MAN2B2: variants seen among roughly 807,000 people sequenced by gnomAD.
MAN2B2 encodes epididymis-specific alpha-mannosidase.
In MAN2B2, 106 loss-of-function variants were observed where a neutral mutation model predicts 117.1. That is an observed-to-expected ratio of 0.90 (90% CI 0.77 to 1.06). The LOEUF (loss-of-function observed/expected upper bound fraction) is 1.06, where lower values mean the gene tolerates loss of function less well. Ranked by LOEUF, MAN2B2 falls within the 50% of genes least tolerant of loss-of-function variation. The pLI is 0.00. For missense variants in MAN2B2, 1,326 were observed against 1,381.4 expected (o/e 0.96, Z 0.64); for synonymous variants, 544 against 595.1 (o/e 0.91, Z 1.25).
intron 4 of MAN2B2, among the ~76,000 whole-genome samples, chr4:6,588,543 C>T (rs1337116492): frequency 1.3e-5 from 2 of 152,016 alleles, no homozygotes; most frequent in Non-Finnish European, 2.9e-5. Flanking sequence ...GGCAAAACCC[C>T]GTCTCTACTA....
intron 6 of MAN2B2, 124 bp downstream of exon 6, chr4:6,593,474 C>A: frequency 1.1e-6 from 1 of 935,522 alleles, no homozygotes; most frequent in African/African-American, 1.7e-5. Flanking sequence ...AGCCCAGTGG[C>A]TCCATCCTCC....
rs188489673 is a variant in MAN2B2 at position 6,620,967 on chromosome 4, G to C, written c.2933-221G>C. The C allele has an allele frequency of 1.4e-4, 74 of 524,880 alleles. No individual in the cohort carries two copies. The East Asian group carries it at 2.2e-3, about 15-fold the overall frequency. The allele number at this position is 524,880 out of a possible 1,614,324, so 32.5% of individuals were successfully genotyped here. On this transcript the variant is annotated intron_variant, in intron 18 of 18. Transcript: ENST00000285599. ...GGCCCACAGGAGTCCTGGCAGAAGG[G>C]GATGCCATAGGCCGTTGCCACGGTG...
At chr4:6,589,561 A>G (rs1473034792) in intron 5 of MAN2B2, among the ~76,000 whole-genome samples, 1 of 152,120 alleles carries the variant, frequency 6.6e-6, no homozygotes, top group East Asian at 1.9e-4. Flanking sequence ...GTTTTTGACA[A>G]GAGCTCCTTA....
At chr4:6,578,169 T>A (rs1380180630) in intron 2 of MAN2B2, among the ~76,000 whole-genome samples, 1 of 152,222 alleles carries the variant, frequency 6.6e-6, no homozygotes, top group African/African-American at 2.4e-5. Flanking sequence ...AAGAAAATCT[T>A]ATATATACAA....
chr4:6,582,808 C>T (rs1423721587), intron 3 of MAN2B2, among the ~76,000 whole-genome samples: 2 of 147,772 alleles, frequency 1.4e-5, no homozygotes, highest in Non-Finnish European at 3.0e-5. Flanking sequence ...CACCCCCTCA[C>T]CCCCCACCAC....
intron 3 of MAN2B2, among the ~76,000 whole-genome samples, chr4:6,579,417 C>CACT (rs1209434311): frequency 2.2e-5 from 3 of 133,802 alleles, no homozygotes; most frequent in Admixed American, 2.2e-4. Flanking sequence ...CCATCACCAT[C>CACT]ACCACCACCA....
intron 17 of MAN2B2, 192 bp downstream of exon 17, chr4:6,617,684 T>A (rs1711952753): frequency 9.1e-7 from 1 of 1,095,340 alleles, no homozygotes; most frequent in Admixed American, 2.9e-5. Flanking sequence ...TTTTTAGGGT[T>A]TTTTGTGTAT....
chr4:6,597,016 C>A (rs1577283434), intron 7 of MAN2B2, 97 bp from the exon 8 acceptor site: 1 of 1,253,964 alleles, frequency 8.0e-7, no homozygotes. Context: ...GCAGAGGCTG[C>A]CTCTGCAGCC....
chr4:6,619,030 A>T (rs1486385538), intron 17 of MAN2B2: 1 of 152,266 alleles, frequency 6.6e-6, no homozygotes. Context: ...CGTTTCACAG[A>T]TGGAAGCACC....
intron 15 of MAN2B2, among the ~76,000 whole-genome samples, chr4:6,613,570 A>G (rs1377942288): frequency 2.1e-5 from 3 of 139,860 alleles, no homozygotes; most frequent in East Asian, 2.4e-4. Context: ...GCAAGTCCCT[A>G]TCTACAAGGA....
chr4:6,587,176 G>C lies in MAN2B2; in HGVS notation c.564+8G>C. On this transcript the variant is annotated splice_region_variant and intron_variant, in intron 4 of 18. Transcript: ENST00000285599. ...GCCATGCAGGAGGCCCGGGTGAGTG[G>C]TGTGCCGCGTCTGCTGCCGCCCAGC... The C allele has an allele frequency of 6.2e-7, 1 of 1,608,978 alleles. No individual in the cohort carries two copies.
chr4:6,620,320 C>T (rs1359397755), intron 18 of MAN2B2: 3 of 339,074 alleles, frequency 8.8e-6, no homozygotes, highest in East Asian at 6.4e-5. Flanking sequence ...CCCTGGGTGA[C>T]AGCTAGGGGC....
At chr4:6,585,476 T>C (rs557346998) in intron 3 of MAN2B2, among the ~76,000 whole-genome samples, 1 of 152,230 alleles carries the variant, frequency 6.6e-6, no homozygotes, top group South Asian at 2.1e-4. Flanking sequence ...GGTTTTCTTT[T>C]TCCCTGCAGC....
chr4:6,591,017 C>T (rs1726838664), intron 5 of MAN2B2, among the ~76,000 whole-genome samples: 1 of 152,120 alleles, frequency 6.6e-6, no homozygotes, highest in African/African-American at 2.4e-5. Context: ...GGCATGGCAG[C>T]ATTGCCTGTA....
intron 5 of MAN2B2, among the ~76,000 whole-genome samples, chr4:6,590,907 G>A (rs1726833135): frequency 1.3e-5 from 2 of 151,742 alleles, no homozygotes; most frequent in African/African-American, 4.8e-5. Context: ...CCAGCACTTT[G>A]GGAGGCCGAG....
intron 9 of MAN2B2, among the ~76,000 whole-genome samples, chr4:6,600,097 C>T (rs1250281895): frequency 6.6e-6 from 1 of 152,190 alleles, no homozygotes; most frequent in East Asian, 1.9e-4. Flanking sequence ...CAGGTGTGGC[C>T]AGACCTCACA....
At chr4:6,579,157 CA>C (rs1726247650) in intron 3 of MAN2B2, among the ~76,000 whole-genome samples, 1 of 79,328 alleles carries the variant, frequency 1.3e-5, no homozygotes, top group Non-Finnish European at 2.9e-5. Flanking sequence ...CCACCATCAC[CA>C]TCACCACCAC....
At chr4:6,608,592 T>G (rs16838992) in intron 11 of MAN2B2, among the ~76,000 whole-genome samples, 49,983 of 152,198 alleles carry the variant, frequency 0.33, 9,862 homozygotes, top group East Asian at 0.5. Flanking sequence ...TTCCTAGATG[T>G]GTGATCTTGG....
intron 3 of MAN2B2, among the ~76,000 whole-genome samples, chr4:6,579,003 TCAC>T (rs1359086883): frequency 3.1e-4 from 34 of 108,992 alleles, no homozygotes; most frequent in Non-Finnish European, 3.4e-4. Context: ...ACCACTACCA[TCAC>T]CACCACCACC....
Sources: gnomAD v4.1 joint callset for allele counts (sites outside exome capture counted in the v4.1 genomes callset) on GRCh38, gnomAD v4.1.1 for gene constraint, MANE v1.5 for transcripts, NCBI Gene and HGNC (gene_info 2026-07-23, HGNC 2026-07-21) for gene names.